Variants in CACNA1I observed in about 807,000 individuals in gnomAD.
The protein encoded by CACNA1I is voltage-dependent T-type calcium channel subunit alpha-1I.
Under a neutral mutation model 201.6 loss-of-function variants are expected in CACNA1I, and 74 were observed. The ratio of observed to expected loss-of-function variants is 0.37; its 90% CI spans 0.30 to 0.45. The LOEUF is 0.45. CACNA1I is among the 20% of genes least tolerant of loss of function. The pLI is 1.00. For missense variants in CACNA1I, 2,346 were observed against 3,138.1 expected, an observed-to-expected ratio of 0.75 and a Z score of 6.03; for synonymous variants, 1,431 against 1,345.2, an observed-to-expected ratio of 1.06 and a Z score of -1.40.
At chr22:39,576,308 C>G (rs1238534606) in intron 1 of CACNA1I, among the ~76,000 whole-genome samples, 1 of 152,254 alleles carries the variant, frequency 6.6e-6, no homozygotes, top group Non-Finnish European at 1.5e-5. Context: ...CTTTAACCCT[C>G]ATAACCACCC....
At chr22:39,635,463 C>T (rs1237443620) in intron 5 of CACNA1I, among the ~76,000 whole-genome samples, 8 of 152,024 alleles carry the variant, frequency 5.3e-5, no homozygotes, top group Non-Finnish European at 7.4e-5. Flanking sequence ...AGCGTGGGGA[C>T]GTGGGGACAC....
intron 31 of CACNA1I, 126 bp from the exon 32 acceptor site, chr22:39,678,981 C>A: frequency 1.4e-6 from 1 of 709,518 alleles, no homozygotes; most frequent in Non-Finnish European, 2.3e-6. Flanking sequence ...GCAGGGCAGC[C>A]CGGGGCCATC....
At chr22:39,653,674 C>T (rs1424801266) in intron 10 of CACNA1I, among the ~76,000 whole-genome samples, 1 of 152,210 alleles carries the variant, frequency 6.6e-6, no homozygotes. Context: ...GGTGTGACAT[C>T]TGTGAAGTGG....
chr22:39,663,910 G>T (rs1935103006), intron 19 of CACNA1I, 69 bp downstream of exon 19: 2 of 1,596,034 alleles, frequency 1.3e-6, no homozygotes, highest in Non-Finnish European at 1.7e-6. Flanking sequence ...GCTGAGCAGG[G>T]CAGGGAGACC....
chr22:39,634,276 G>A lies in CACNA1I; in HGVS notation c.581-289G>A, dbSNP rs116477804. On this transcript the variant is annotated intron_variant, in intron 4 of 36. Transcript: ENST00000402142. ...CTGAAGATCACATTTGTGCAAGTACGCAGAAGAACACTTGGTACATAAAAG... is the reference window on the plus strand; with the variant it reads ...CTGAAGATCACATTTGTGCAAGTACACAGAAGAACACTTGGTACATAAAAG... Among the ~76,000 whole-genome samples, 618 of 152,270 alleles carry A rather than the reference G, an allele frequency of 4.1e-3. 1 individual carries two copies. The highest frequency in any genetic ancestry group is 0.013 in the African/African-American group (556 of 41,548).
intron 4 of CACNA1I, among the ~76,000 whole-genome samples, chr22:39,624,167 GGTGT>G (rs370693569): frequency 6.6e-6 from 1 of 151,756 alleles, no homozygotes; most frequent in African/African-American, 2.4e-5. Context: ...TGCCTGTGAG[GGTGT>G]GTGTGTGTGA....
chr22:39,656,740 C>T (rs757206796), intron 10 of CACNA1I: 6 of 519,054 alleles, frequency 1.2e-5, no homozygotes, highest in South Asian at 8.4e-5. Flanking sequence ...CAGTGCCCTG[C>T]CTTTGCCCTG....
chr22:39,644,694 T>C (rs1417162605), intron 7 of CACNA1I, among the ~76,000 whole-genome samples: 1 of 151,996 alleles, frequency 6.6e-6, no homozygotes, highest in Admixed American at 6.5e-5. Flanking sequence ...CTTTTTTTTT[T>C]TTTTAATTTT....
intron 4 of CACNA1I, among the ~76,000 whole-genome samples, chr22:39,621,585 A>G (rs1420020970): frequency 2.0e-5 from 3 of 152,126 alleles, no homozygotes; most frequent in Non-Finnish European, 4.4e-5. Context: ...GGGTGGCCCA[A>G]TCCTGCTTTG....
At chr22:39,646,315 A>G (rs1433163776) in intron 7 of CACNA1I, among the ~76,000 whole-genome samples, 4 of 150,396 alleles carry the variant, frequency 2.7e-5, no homozygotes, top group Non-Finnish European at 3.0e-5. Flanking sequence ...TCTCTTTGTC[A>G]TCGCGTCTCT....
intron 10 of CACNA1I, among the ~76,000 whole-genome samples, chr22:39,657,285 G>C (rs970548719): frequency 6.6e-6 from 1 of 152,214 alleles, no homozygotes; most frequent in Non-Finnish European, 1.5e-5. Flanking sequence ...ACAGCTGTTG[G>C]GGGAGGGAGC....
chr22:39,627,188 A>C (rs1196276294), intron 4 of CACNA1I, among the ~76,000 whole-genome samples: 2 of 152,140 alleles, frequency 1.3e-5, no homozygotes, highest in Non-Finnish European at 2.9e-5. Flanking sequence ...GGGTCAAAGG[A>C]GAGAGGTCCC....
At chr22:39,641,288 C>T in intron 6 of CACNA1I, 106 bp downstream of exon 6, 1 of 921,982 alleles carries the variant, frequency 1.1e-6, no homozygotes, top group Non-Finnish European at 1.7e-6. Flanking sequence ...TCACTGAAAC[C>T]TGCCCAGCTT....
chr22:39,619,401 G>A lies in CACNA1I; in HGVS notation c.574G>A (p.Val192Met), dbSNP rs1313739182. Residue 192 changes from valine (V) to methionine (M), a missense_variant, in exon 4 of 37, where the codon GTG becomes ATG. This residue lies in a region of CACNA1I where 227 missense variants were observed against 412.5 expected (regional missense o/e 0.55). Coordinates refer to ENST00000402142, the MANE Select transcript of CACNA1I (RefSeq NM_021096.4). ...GAGGCCCCTCAAAGCCATCAACCGC[G>A]TGCCCAGTGAGTCAGCCCCGCCCTG... ...VLRPLKAINR[V>M]PSMRILVNLL... is the part of the protein sequence containing the mutation. 5.6e-6 allele frequency: 9 copies of A among 1,606,514 alleles called. No individual in the cohort carries two copies. The highest frequency in any genetic ancestry group is 2.2e-5 in the East Asian group (1 of 44,868).
At chr22:39,671,416 C>T (rs1935372939) in intron 26 of CACNA1I, among the ~76,000 whole-genome samples, 1 of 152,190 alleles carries the variant, frequency 6.6e-6, no homozygotes, top group African/African-American at 2.4e-5. Flanking sequence ...AGGTCTGGAA[C>T]TTAGATTTGC....
intron 4 of CACNA1I, among the ~76,000 whole-genome samples, chr22:39,634,080 G>A (rs1056285564): frequency 6.6e-6 from 1 of 152,194 alleles, no homozygotes; most frequent in African/African-American, 2.4e-5. Flanking sequence ...TGGGACAAGG[G>A]GGTTGTGAAA....
intron 4 of CACNA1I, among the ~76,000 whole-genome samples, chr22:39,623,831 G>A (rs990381594): frequency 6.8e-6 from 1 of 147,668 alleles, no homozygotes; most frequent in African/African-American, 2.5e-5. Flanking sequence ...GTGTGTGTGT[G>A]CCTCTGAGCG....
At position 39,570,964 on chromosome 22, in the gene CACNA1I, G is replaced by T; in HGVS notation, c.212G>T (p.Trp71Leu). 1.2e-6 allele frequency: 2 copies of T among 1,613,824 alleles called. No individual in the cohort carries two copies. Among genetic ancestry groups the T allele is most frequent in the Non-Finnish European group, 1.7e-6 (2 of 1,179,866 alleles). ...CGACAGACCACCAGCCCCCGGAACTGGTGCATCAAGATGGTGTGCAACCCA... is the reference window on the plus strand; with the variant it reads ...CGACAGACCACCAGCCCCCGGAACTTGTGCATCAAGATGGTGTGCAACCCA... ...CLRQTTSPRN[W>L]CIKMVCNPWF... is the part of the protein sequence containing the mutation. Residue 71 changes from tryptophan to leucine, a missense_variant, in exon 1 of 37, where the codon TGG (tryptophan) becomes TTG (leucine). Coordinates refer to ENST00000402142, the MANE Select transcript of CACNA1I (RefSeq NM_021096.4).
In CACNA1I at chr22:39,659,171, G is replaced by T. The variant is rs1934919985; in HGVS notation, c.2330+55G>T. 6 of 1,594,798 alleles carry T rather than the reference G, an allele frequency of 3.8e-6. No homozygotes were observed. ...CAGCACCTGCTGGGGCTGTGGGCGG[G>T]AGCCTGGGGGATGTGGTCCACTGTG... On this transcript the variant is annotated intron_variant, in intron 12 of 36. Transcript: ENST00000402142. The surrounding 1 kb of genome is among the most constrained non-coding windows in gnomAD (Gnocchi z 4.3).
Sources: gnomAD v4.1 joint callset for allele counts (sites outside exome capture counted in the v4.1 genomes callset) on GRCh38, gnomAD v4.1.1 for gene constraint, gnomAD v4.1.1 regional missense constraint, Gnocchi (gnomAD v3.1) non-coding constraint, MANE v1.5 for transcripts, NCBI Gene and HGNC (gene_info 2026-07-23, HGNC 2026-07-21) for gene names.